Variants in FARS2 observed in about 807,000 individuals in gnomAD.
FARS2 encodes phenylalanine--tRNA ligase, mitochondrial.
FARS2 carries 40 observed loss-of-function variants against 46.4 expected under a neutral mutation model. That is an observed-to-expected ratio of 0.86 (90% confidence interval 0.67 to 1.12). FARS2 has a LOEUF of 1.12. FARS2 is among the 50% of genes most tolerant of loss of function. The pLI is 0.00. For missense variants in FARS2, 513 were observed against 567.9 expected (o/e 0.90, Z 0.98); for synonymous variants, 234 against 214.9 (o/e 1.09, Z -0.78).
upstream of FARS2, among the ~76,000 whole-genome samples, chr6:5,258,194 G>A (rs1459516636): frequency 6.6e-6 from 1 of 152,192 alleles, no homozygotes; most frequent in Non-Finnish European, 1.5e-5. Flanking sequence ...GGAGCAGACA[G>A]GGCTCCTGCT....
chr6:5,769,470 G>T (rs1454663236), intron 6 of FARS2, among the ~76,000 whole-genome samples: 1 of 152,202 alleles, frequency 6.6e-6, no homozygotes, highest in Non-Finnish European at 1.5e-5. Context: ...GAGTACTGTT[G>T]TTCGGAGCAC....
At chr6:5,633,989 T>G (rs900065596) in intron 6 of FARS2, among the ~76,000 whole-genome samples, 3 of 152,194 alleles carry the variant, frequency 2.0e-5, no homozygotes, top group African/African-American at 7.2e-5. Context: ...GGGCATAAAT[T>G]TATTTTATAT....
At chr6:5,410,334 G>T (rs1761873190) in intron 3 of FARS2, among the ~76,000 whole-genome samples, 2 of 151,360 alleles carry the variant, frequency 1.3e-5, no homozygotes, top group South Asian at 4.2e-4. Context: ...TTTGTATTTT[G>T]TATTTTTAGT....
At chr6:5,258,902 G>A (rs1764804597), upstream of FARS2, among the ~76,000 whole-genome samples, 1 of 152,148 alleles carries the variant, frequency 6.6e-6, no homozygotes, top group Non-Finnish European at 1.5e-5. Context: ...TTCCTGTTGA[G>A]TTTCGTGAAT....
intron 5 of FARS2, among the ~76,000 whole-genome samples, chr6:5,612,400 T>G (rs1462153068): frequency 6.6e-6 from 1 of 152,188 alleles, no homozygotes; most frequent in Non-Finnish European, 1.5e-5. Flanking sequence ...AGCAGTAACT[T>G]ACAGACCAAA....
rs140333479 is a variant in FARS2 at position 5,661,556 on chromosome 6, G to T, written c.1217+48236G>T. On this transcript the variant is annotated intron_variant, in intron 6 of 6. Transcript: ENST00000274680. ...GGAGTGAGGAAGAGCCAGGGTGTGT[G>T]AGTGCTGGAAGCCAGGGTAGTAGGT... is the stretch of plus-strand genomic sequence containing the variant. 3.4e-3 allele frequency among the ~76,000 whole-genome samples: 524 copies of T among 152,288 alleles called. 5 individuals carry two copies. Among genetic ancestry groups the T allele is most frequent in the Non-Finnish European group, 5.6e-3 (382 of 68,028 alleles).
intron 6 of FARS2, among the ~76,000 whole-genome samples, chr6:5,653,451 T>C (rs1441195749): frequency 2.0e-5 from 3 of 152,172 alleles, no homozygotes; most frequent in African/African-American, 7.2e-5. Flanking sequence ...ATGGAAGGCG[T>C]TGGACCAGCT....
At chr6:5,407,978 A>T (rs1321266105) in intron 3 of FARS2, among the ~76,000 whole-genome samples, 1 of 152,212 alleles carries the variant, frequency 6.6e-6, no homozygotes, top group Non-Finnish European at 1.5e-5. Flanking sequence ...ATTCAGGCTC[A>T]TCTGAATTTT....
intron 1 of FARS2, among the ~76,000 whole-genome samples, chr6:5,309,763 T>TA (rs1768963018): frequency 6.7e-6 from 1 of 150,018 alleles, no homozygotes; most frequent in African/African-American, 2.5e-5. Flanking sequence ...TCAATTCTTA[T>TA]AAATTAATCC....
intron 6 of FARS2, among the ~76,000 whole-genome samples, chr6:5,761,588 C>G (rs561932991): frequency 3.9e-5 from 6 of 152,292 alleles, no homozygotes; most frequent in African/African-American, 1.4e-4. Context: ...TTAAAGTTAG[C>G]TCTGTTGACT....
intron 4 of FARS2, among the ~76,000 whole-genome samples, chr6:5,463,205 T>C (rs905261416): frequency 6.6e-6 from 1 of 152,260 alleles, no homozygotes; most frequent in Non-Finnish European, 1.5e-5. Flanking sequence ...TCTAAGTATT[T>C]TATTCTTCTT....
intron 5 of FARS2, among the ~76,000 whole-genome samples, chr6:5,594,569 G>A (rs1441124413): frequency 3.3e-5 from 5 of 152,220 alleles, no homozygotes; most frequent in African/African-American, 1.2e-4. Flanking sequence ...AGAGGAGAAC[G>A]TGGAGGTTAT....
intron 5 of FARS2, among the ~76,000 whole-genome samples, chr6:5,590,285 C>T (rs1773840091): frequency 6.6e-6 from 1 of 152,124 alleles, no homozygotes; most frequent in Admixed American, 6.5e-5. Flanking sequence ...TCCCCATGCA[C>T]CGTATGTGTC....
In FARS2 at chr6:5,462,401, A is replaced by G. The variant is rs540951463; in HGVS notation, c.904+31229A>G. Among the ~76,000 whole-genome samples the G allele has an allele frequency of 6.6e-5, 10 of 152,180 alleles. 1 individual carries two copies. The South Asian group carries it at 1.7e-3, about 25-fold the overall frequency. ...GAAATTTTAAATTTTAATGAAATCT[A>G]ATTCATCCATTTTTTTAATGGATTA... On this transcript the variant is annotated intron_variant, in intron 4 of 6. Transcript: ENST00000274680.
the FARS2 span, among the ~76,000 whole-genome samples, chr6:5,251,026 C>G: frequency 5.3e-5 from 8 of 152,238 alleles, no homozygotes; most frequent in Non-Finnish European, 1.0e-4. Context: ...TGTTCGGGCA[C>G]TATTTCAATT....
At chr6:5,646,491 C>T (rs1421744902) in intron 6 of FARS2, among the ~76,000 whole-genome samples, 1 of 152,074 alleles carries the variant, frequency 6.6e-6, no homozygotes, top group Admixed American at 6.6e-5. Context: ...TTGGATTTCA[C>T]GGCTCCTCTA....
chr6:5,751,199 C>T lies in FARS2; in HGVS notation c.1218-20092C>T, dbSNP rs536144224. On this transcript the variant is annotated intron_variant, in intron 6 of 6. Coordinates refer to ENST00000274680, the MANE Select transcript of FARS2 (RefSeq NM_006567.5). Reference sequence around the variant, plus strand: ...TAGGAAATCATATAAGTTGAACCTCCGCAATTTGTCAGTCTTGGAAGGAAA... The same window carrying T: ...TAGGAAATCATATAAGTTGAACCTCTGCAATTTGTCAGTCTTGGAAGGAAA... Among the ~76,000 whole-genome samples, 18 of 152,162 alleles carry T rather than the reference C, an allele frequency of 1.2e-4. No individual in the cohort carries two copies. In the South Asian group the frequency reaches 2.7e-3, roughly 23 times the overall value.
intron 1 of FARS2, among the ~76,000 whole-genome samples, chr6:5,366,359 T>G (rs575622662): frequency 1.8e-4 from 28 of 152,302 alleles, no homozygotes; most frequent in African/African-American, 5.5e-4. Flanking sequence ...AGATGATATA[T>G]TTCTTATAGA....
chr6:5,666,381 A>G, intron 6 of FARS2, among the ~76,000 whole-genome samples: 1 of 152,208 alleles, frequency 6.6e-6, no homozygotes, highest in South Asian at 2.1e-4. Context: ...GTTGAAAGAA[A>G]TGCCACCAAC....
Sources: gnomAD v4.1 joint callset for allele counts (sites outside exome capture counted in the v4.1 genomes callset) on GRCh38, gnomAD v4.1.1 for gene constraint, MANE v1.5 for transcripts, NCBI Gene and HGNC (gene_info 2026-07-23, HGNC 2026-07-21) for gene names.